PLCE1: variants seen among roughly 807,000 people sequenced by gnomAD.
PLCE1 encodes 1-phosphatidylinositol 4,5-bisphosphate phosphodiesterase epsilon-1.
Under a neutral mutation model 242.8 loss-of-function variants are expected in PLCE1, and 119 were observed. The observed-to-expected ratio is 0.49, with a 90% CI of 0.42 to 0.57. The LOEUF (loss-of-function observed/expected upper bound fraction) is 0.57, where lower values mean the gene tolerates loss of function less well. Among genes scored for constraint, PLCE1 ranks in the 20% least tolerant of loss-of-function variants. The pLI is 0.00. For missense variants in PLCE1, 2,441 were observed against 2,788.8 expected, an observed-to-expected ratio of 0.88 and a Z score of 2.81; for synonymous variants, 945 against 1,017.4, an observed-to-expected ratio of 0.93 and a Z score of 1.35.
At chr10:94,073,965 T>C (rs568459008) in intron 2 of PLCE1, among the ~76,000 whole-genome samples, 2 of 152,256 alleles carry the variant, frequency 1.3e-5, no homozygotes, top group East Asian at 3.9e-4. Context: ...TATCTCACTG[T>C]CTGGTTGTGG....
At position 94,306,445 on chromosome 10, in the gene PLCE1, G is replaced by C; in HGVS notation, c.5641G>C (p.Val1881Leu). The C allele has an allele frequency of 3.1e-6, 5 of 1,614,130 alleles. No individual in the cohort carries two copies. The highest frequency in any genetic ancestry group is 4.2e-6 in the Non-Finnish European group (5 of 1,180,016). Reference sequence around the variant, plus strand: ...ACCCTAGATTGTCTCTGGTCAGAATGTGTGCCCCAGTAATAGCATGGGAAG... The same window carrying C: ...ACCCTAGATTGTCTCTGGTCAGAATCTGTGCCCCAGTAATAGCATGGGAAG... ...YSLTIVSGQN[V>L]CPSNSMGSPC... The change falls in exon 26 of 33, where the codon GTG (valine) becomes CTG (leucine). Residue 1881 changes from valine to leucine, a missense_variant. Val to Leu is a conservative substitution (Grantham distance 32, BLOSUM62 1). Coordinates refer to ENST00000371380, the MANE Select transcript of PLCE1 (RefSeq NM_016341.4). This position sits in a 1 kb window ranked among gnomAD's most constrained non-coding sequence, Gnocchi z 5.7.
chr10:94,290,224 C>CATA (rs1158865819), intron 22 of PLCE1, among the ~76,000 whole-genome samples: 2 of 151,356 alleles, frequency 1.3e-5, no homozygotes, highest in African/African-American at 2.4e-5. Flanking sequence ...AGACAAGGGT[C>CATA]TCACTATGTT....
chr10:94,317,148 G>A (rs1225163060), intron 29 of PLCE1, among the ~76,000 whole-genome samples: 1 of 152,112 alleles, frequency 6.6e-6, no homozygotes, highest in South Asian at 2.1e-4. Flanking sequence ...CTACTCATGA[G>A]GGAGGCTGAG....
intron 4 of PLCE1, among the ~76,000 whole-genome samples, chr10:94,179,956 A>C (rs773418694): frequency 5.3e-4 from 80 of 152,040 alleles, no homozygotes; most frequent in Middle Eastern, 3.4e-3. Flanking sequence ...AAAAACCACT[A>C]ACATAACAGC....
intron 3 of PLCE1, among the ~76,000 whole-genome samples, chr10:94,151,761 A>G (rs2047283182): frequency 1.3e-5 from 2 of 152,186 alleles, no homozygotes; most frequent in South Asian, 2.1e-4. Flanking sequence ...AGAAAGCCAC[A>G]GTAAGGTAGT....
intron 3 of PLCE1, among the ~76,000 whole-genome samples, chr10:94,165,149 A>T (rs1167841427): frequency 6.6e-6 from 1 of 152,022 alleles, no homozygotes; most frequent in African/African-American, 2.4e-5. Flanking sequence ...GAGAACCACT[A>T]CTCTCTTCAA....
chr10:94,324,332 C>A lies in PLCE1; in HGVS notation c.6502-17C>A. The A allele has an allele frequency of 6.3e-7, 1 of 1,591,344 alleles. No homozygotes were observed. Among genetic ancestry groups the A allele is most frequent in the Non-Finnish European group, 8.6e-7 (1 of 1,159,376 alleles). On this transcript the variant is annotated splice_polypyrimidine_tract_variant and intron_variant, in intron 30 of 32. Coordinates refer to ENST00000371380, the MANE Select transcript of PLCE1 (RefSeq NM_016341.4). ...GATTCTGTGTCTTTATTCAGTTGAT[C>A]ATAACTTACCTTTCAGACCTTATGC... is the stretch of plus-strand genomic sequence containing the variant.
intron 20 of PLCE1, 31 bp from the exon 21 acceptor site, chr10:94,283,758 GT>G (rs2052336238): frequency 6.2e-7 from 1 of 1,603,128 alleles, no homozygotes; most frequent in African/African-American, 1.3e-5. Context: ...CATTGGGTTC[GT>G]TTTCACTGAA....
At chr10:94,074,649 A>G (rs2044452655) in intron 2 of PLCE1, among the ~76,000 whole-genome samples, 1 of 152,234 alleles carries the variant, frequency 6.6e-6, no homozygotes. Flanking sequence ...AGCCATTTAG[A>G]ACAACATTAA....
chr10:94,156,100 G>A (rs1362123457), intron 3 of PLCE1, among the ~76,000 whole-genome samples: 2 of 151,862 alleles, frequency 1.3e-5, no homozygotes, highest in Admixed American at 1.3e-4. Context: ...CACAGTGGAA[G>A]GGATGTGAAT....
intron 4 of PLCE1, among the ~76,000 whole-genome samples, chr10:94,218,119 G>T (rs1317061984): frequency 1.3e-5 from 2 of 151,982 alleles, no homozygotes; most frequent in African/African-American, 4.8e-5. Flanking sequence ...CATATCCATT[G>T]GTGTTGCTGG....
At chr10:94,287,607 A>C (rs1375505887) in intron 22 of PLCE1, 2 of 152,048 alleles carry the variant, frequency 1.3e-5, no homozygotes, top group Non-Finnish European at 2.9e-5. Flanking sequence ...GTCAGCTCCC[A>C]GGGGTGGGCT....
At chr10:94,074,374 T>C (rs2044444570) in intron 2 of PLCE1, among the ~76,000 whole-genome samples, 1 of 151,890 alleles carries the variant, frequency 6.6e-6, no homozygotes, top group Non-Finnish European at 1.5e-5. Flanking sequence ...CTATTTTTCA[T>C]TTTTATTTTT....
Position 94,289,622 on chromosome 10 carries a change from C to T in PLCE1, c.5036-3886C>T, listed in dbSNP as rs559902276. 2.4e-4 allele frequency among the ~76,000 whole-genome samples: 36 copies of T among 152,308 alleles called. 1 individual carries two copies. In the South Asian group the frequency reaches 7.0e-3, roughly 30 times the overall value. On this transcript the variant is annotated intron_variant, in intron 22 of 32. Coordinates refer to ENST00000371380, the MANE Select transcript of PLCE1 (RefSeq NM_016341.4). ...CACTGAATACGGTAGGTAAGTGTAACACAATGATAAGTATTTGTGCGTTTA... is the reference window on the plus strand; with the variant it reads ...CACTGAATACGGTAGGTAAGTGTAATACAATGATAAGTATTTGTGCGTTTA...
intron 2 of PLCE1, among the ~76,000 whole-genome samples, chr10:94,126,215 C>T (rs1312777702): frequency 6.6e-6 from 1 of 152,170 alleles, no homozygotes; most frequent in Non-Finnish European, 1.5e-5. Context: ...TGTCATTTCA[C>T]AGCACCTACC....
intron 2 of PLCE1, among the ~76,000 whole-genome samples, chr10:94,041,966 G>A (rs2061777391): frequency 6.6e-6 from 1 of 151,898 alleles, no homozygotes; most frequent in Admixed American, 6.6e-5. Flanking sequence ...AGAATTTTAG[G>A]TATTTTTCAG....
intron 3 of PLCE1, among the ~76,000 whole-genome samples, chr10:94,133,224 A>G (rs1248541366): frequency 6.6e-6 from 1 of 152,220 alleles, no homozygotes; most frequent in East Asian, 1.9e-4. Context: ...GCCAAAGGCC[A>G]TCTTCCAGCT....
At chr10:94,302,316 AC>A (rs1463672613) in intron 24 of PLCE1, among the ~76,000 whole-genome samples, 2 of 152,314 alleles carry the variant, frequency 1.3e-5, no homozygotes, top group East Asian at 3.9e-4. Flanking sequence ...GCAGCAAACC[AC>A]CATGGCACAT....
intron 22 of PLCE1, among the ~76,000 whole-genome samples, chr10:94,291,475 AG>A (rs1447486736): frequency 6.6e-6 from 1 of 152,226 alleles, no homozygotes; most frequent in Admixed American, 6.5e-5. Context: ...GAAGAGAGGC[AG>A]CCACCAGGCT....
Sources: gnomAD v4.1 joint callset for allele counts (sites outside exome capture counted in the v4.1 genomes callset) on GRCh38, gnomAD v4.1.1 for gene constraint, Gnocchi (gnomAD v3.1) non-coding constraint, MANE v1.5 for transcripts, NCBI Gene and HGNC (gene_info 2026-07-23, HGNC 2026-07-21) for gene names.